PTPRN2: variants seen among roughly 807,000 people sequenced by gnomAD.
The protein encoded by PTPRN2 is protein tyrosine phosphatase receptor type N2.
A neutral mutation model predicts 118.8 loss-of-function variants in PTPRN2; 74 were observed. That is an observed-to-expected ratio of 0.62 (90% CI 0.52 to 0.76). PTPRN2 has a LOEUF of 0.76. PTPRN2 is among the 30% of genes least tolerant of loss of function. PTPRN2 has a pLI of 0.00. For missense variants in PTPRN2, 1,481 were observed against 1,394.4 expected (o/e 1.06, Z -0.99); for synonymous variants, 641 against 608.0 (o/e 1.05, Z -0.80).
chr7:157,806,632 G>C (rs113530754), intron 12 of PTPRN2, among the ~76,000 whole-genome samples: 7 of 152,114 alleles, frequency 4.6e-5, no homozygotes, highest in Admixed American at 4.6e-4. Context: ...ATGTGCATAC[G>C]CATGTATGTG....
intron 12 of PTPRN2, among the ~76,000 whole-genome samples, chr7:157,867,893 T>C (rs1810809645): frequency 6.6e-6 from 1 of 152,102 alleles, no homozygotes; most frequent in African/African-American, 2.4e-5. Context: ...GCAGGCGTGG[T>C]GGAGGTGTGC....
rs1381608417 is a variant in PTPRN2 at position 157,587,087 on chromosome 7, C to T, written c.2496+8151G>A. ...TCCAGGCCTGCCATCTTCCCACCCA[C>T]CCCTGCCTGGACTAGTGCAGTAGCT... On this transcript the variant is annotated intron_variant, in intron 17 of 22. Coordinates refer to ENST00000389418, the MANE Select transcript of PTPRN2 (RefSeq NM_002847.5). The surrounding 1 kb of genome is among the most constrained non-coding windows in gnomAD (Gnocchi z 5.3). Among the ~76,000 whole-genome samples, 3 of 152,168 alleles carry T rather than the reference C, an allele frequency of 2.0e-5. No individual in the cohort carries two copies. In the East Asian group the frequency reaches 5.8e-4, roughly 29 times the overall value.
chr7:158,469,198 TAGGG>T (rs1271654534), intron 2 of PTPRN2, among the ~76,000 whole-genome samples: 5 of 152,138 alleles, frequency 3.3e-5, no homozygotes, highest in Non-Finnish European at 7.4e-5. Flanking sequence ...CCCCAGCACT[TAGGG>T]AGGCCAAGGC....
chr7:158,321,460 G>A (rs729099), intron 2 of PTPRN2, among the ~76,000 whole-genome samples: 53,642 of 151,828 alleles, frequency 0.35, 9,745 homozygotes, highest in Middle Eastern at 0.45. Flanking sequence ...TGACCCTATC[G>A]TCGAAGCCCG....
At chr7:158,369,370 C>T (rs563842275) in intron 2 of PTPRN2, among the ~76,000 whole-genome samples, 1 of 151,496 alleles carries the variant, frequency 6.6e-6, no homozygotes, top group South Asian at 2.1e-4. Context: ...TCTAGAGAAC[C>T]CTGACTAATA....
At chr7:158,516,372 C>G (rs367595795) in intron 1 of PTPRN2, among the ~76,000 whole-genome samples, 2 of 152,328 alleles carry the variant, frequency 1.3e-5, no homozygotes, top group South Asian at 4.1e-4. Flanking sequence ...TAACATGCAG[C>G]CTCTTCTGTA....
chr7:158,434,877 G>T (rs888959037), intron 2 of PTPRN2, among the ~76,000 whole-genome samples: 1 of 152,096 alleles, frequency 6.6e-6, no homozygotes, highest in African/African-American at 2.4e-5. Flanking sequence ...CCCACATGGT[G>T]TCAGAAAAAC....
At chr7:158,202,337 G>C (rs1230806290) in intron 4 of PTPRN2, among the ~76,000 whole-genome samples, 1 of 152,146 alleles carries the variant, frequency 6.6e-6, no homozygotes, top group Non-Finnish European at 1.5e-5. Flanking sequence ...GGGCCTCATG[G>C]GAACCTCCCT....
chr7:158,125,689 G>C (rs1043596988), intron 9 of PTPRN2, among the ~76,000 whole-genome samples: 4 of 152,194 alleles, frequency 2.6e-5, no homozygotes, highest in African/African-American at 9.6e-5. Flanking sequence ...CCGCCCTCAG[G>C]AGGGGCCTCT....
chr7:157,937,412 G>T (rs1799777557), intron 11 of PTPRN2, among the ~76,000 whole-genome samples: 2 of 152,228 alleles, frequency 1.3e-5, no homozygotes, highest in Admixed American at 1.3e-4. Context: ...GAAATGAAAG[G>T]TGCGGGAATA....
At chr7:157,761,995 G>A (rs895906441) in intron 12 of PTPRN2, among the ~76,000 whole-genome samples, 4 of 152,144 alleles carry the variant, frequency 2.6e-5, no homozygotes, top group Non-Finnish European at 4.4e-5. Context: ...ATGAAAAAAG[G>A]CTCATCATCA....
intron 12 of PTPRN2, among the ~76,000 whole-genome samples, chr7:157,858,112 T>C (rs878997758): frequency 0.23 from 8,069 of 34,830 alleles, 430 homozygotes; most frequent in East Asian, 0.37. Flanking sequence ...AGGGAGAGCC[T>C]CCCAGCCACC....
intron 11 of PTPRN2, among the ~76,000 whole-genome samples, chr7:158,050,882 T>C (rs1028686865): frequency 2.6e-5 from 4 of 152,260 alleles, no homozygotes; most frequent in Non-Finnish European, 5.9e-5. Flanking sequence ...GGGTTCTGGC[T>C]GCACTCAGGG....
intron 2 of PTPRN2, among the ~76,000 whole-genome samples, chr7:158,472,937 T>C (rs1443890820): frequency 6.6e-6 from 1 of 152,158 alleles, no homozygotes; most frequent in East Asian, 1.9e-4. Context: ...CAAATGCTGG[T>C]GGTTAAGCAT....
chr7:157,713,977 T>A (rs960486456), intron 12 of PTPRN2, among the ~76,000 whole-genome samples: 1 of 152,198 alleles, frequency 6.6e-6, no homozygotes, highest in Admixed American at 6.5e-5. Flanking sequence ...CATTATCTGC[T>A]CCAAGCTTTC....
At chr7:158,286,284 T>C (rs896495863) in intron 3 of PTPRN2, among the ~76,000 whole-genome samples, 4 of 152,258 alleles carry the variant, frequency 2.6e-5, no homozygotes, top group African/African-American at 7.2e-5. Flanking sequence ...TGTAAGATCA[T>C]GTCATCTGCA....
At chr7:157,847,845 C>G in intron 12 of PTPRN2, among the ~76,000 whole-genome samples, 1 of 149,948 alleles carries the variant, frequency 6.7e-6, no homozygotes, top group African/African-American at 2.5e-5. Flanking sequence ...ATCATGTGTG[C>G]CCGATGTCTA....
At chr7:157,836,264 G>A (rs1807925492) in intron 12 of PTPRN2, among the ~76,000 whole-genome samples, 1 of 152,204 alleles carries the variant, frequency 6.6e-6, no homozygotes, top group Admixed American at 6.5e-5. Context: ...GATGATGGCA[G>A]GTTTATTGGA....
At chr7:157,664,391 C>T (rs976180557) in intron 13 of PTPRN2, among the ~76,000 whole-genome samples, 12 of 152,380 alleles carry the variant, frequency 7.9e-5, no homozygotes, top group East Asian at 5.8e-4. Context: ...GGGCACAGAG[C>T]GGGGGCTCCT....
Sources: allele counts gnomAD v4.1 joint callset (sites outside exome capture counted in the v4.1 genomes callset), GRCh38; gene constraint gnomAD v4.1.1; non-coding constraint Gnocchi (gnomAD v3.1); transcripts MANE v1.5; gene names NCBI Gene and HGNC (gene_info 2026-07-23, HGNC 2026-07-21).